The following BAD variants were observed in gnomAD, a reference collection of about 807,000 sequenced individuals.
BAD encodes BCL2 associated agonist of cell death, also known as bcl2-associated agonist of cell death.
A neutral mutation model predicts 17.8 loss-of-function variants in BAD; 18 were observed. That is an observed-to-expected ratio of 1.01 (90% CI 0.70 to 1.50). BAD has a LOEUF of 1.50. BAD is among the 40% of genes most tolerant of loss of function. The pLI, the probability that BAD is intolerant of heterozygous loss-of-function variation, is 0.00. For missense variants in BAD, 294 were observed against 239.3 expected, an observed-to-expected ratio of 1.23 and a Z score of -1.51; for synonymous variants, 112 against 91.5, an observed-to-expected ratio of 1.22 and a Z score of -1.28.
Position 64,270,238 on chromosome 11 carries a change from C to G in BAD, c.478G>C (p.Gly160Arg), listed in dbSNP as rs201046961. ...VFQSWWDRNLGRGSSAPSQ is the reference protein window; with the variant it reads ...VFQSWWDRNLRRGSSAPSQ ...TGGGAGGGGGCGGAGCTTCCCCTGC[C>G]CAAGTTCCGATCCCACCAGGACTGG... The change falls in exon 4 of 4, where the codon GGC becomes CGC. Residue 160 changes from glycine (G) to arginine (R), a missense_variant. Gly to Arg is a moderately radical substitution (Grantham distance 125). Coordinates refer to ENST00000309032, the MANE Select transcript of BAD (RefSeq NM_032989.3). 3.0e-5 allele frequency: 48 copies of G among 1,612,376 alleles called. No individual in the cohort carries two copies. In the Admixed American group the frequency reaches 6.8e-4, roughly 23 times the overall value.
In BAD at chr11:64,284,394, T is replaced by G. The variant is rs746057329; in HGVS notation, c.-8-18A>C. On this transcript the variant is annotated intron_variant, in intron 1 of 3. Coordinates refer to ENST00000309032, the MANE Select transcript of BAD (RefSeq NM_032989.3). ...GCTCTGGGCTGTGAGGACAAGATGT[T>G]ACGTAGTCAAGGCACAGCTGGGGCC... The G allele has an allele frequency of 7.4e-6, 12 of 1,611,890 alleles. No individual in the cohort carries two copies. The South Asian group carries it at 1.3e-4, about 18-fold the overall frequency.
chr11:64,276,890 C>T, intron 2 of BAD: 1 of 754,500 alleles, frequency 1.3e-6, no homozygotes, highest in Admixed American at 1.8e-5. Context: ...GTGCCCCAGG[C>T]CCCAGCATGG....
chr11:64,271,885 G>A lies in BAD; in HGVS notation c.188-82C>T, dbSNP rs2032656410. The A allele has an allele frequency of 5.1e-6, 6 of 1,174,902 alleles. No individual in the cohort carries two copies. The South Asian group carries it at 8.5e-5, about 17-fold the overall frequency. The allele number at this position is 1,174,902 out of a possible 1,614,324, so 72.8% of individuals were successfully genotyped here. A position where few individuals can be genotyped will look rare whatever the true frequency, so the allele number is the denominator to read the frequency against. ...GGCCCTGCCTGAACCCTCCCCATCA[G>A]CTCTGCAGGCCCACTCGTGGGTCTT... On this transcript the variant is annotated intron_variant, in intron 2 of 3. Coordinates refer to ENST00000309032, the MANE Select transcript of BAD (RefSeq NM_032989.3).
chr11:64,284,153 C>T (rs778657393), intron 2 of BAD, 29 bp downstream of exon 2: 7 of 1,541,994 alleles, frequency 4.5e-6, no homozygotes, highest in Non-Finnish European at 6.1e-6. Flanking sequence ...GTGAGGTGTC[C>T]CGGCAGGTGG....
At position 64,270,151 on chromosome 11, in the gene BAD, T is replaced by A; in HGVS notation, c.*58A>T. The A allele has an allele frequency of 6.2e-7, 1 of 1,613,072 alleles. No homozygotes were observed. The highest frequency in any genetic ancestry group is 8.5e-7 in the Non-Finnish European group (1 of 1,179,474). ...CTGAGGGAAGTACTTCCGCCCATAT[T>A]CAAGATGGCTGCCCAGGGCAGTGGG... On this transcript the variant is annotated 3_prime_UTR_variant, in exon 4 of 4. Transcript: ENST00000309032.
rs370905266 is a variant in BAD, at chr11:64,270,261, T to C, written c.455A>G (p.Gln152Arg). The change falls in exon 4 of 4, where the codon CAG becomes CGG. Residue 152 changes from glutamine (Q) to arginine (R), a missense_variant. Physicochemically the swap from Gln to Arg is conservative, Grantham distance 43. Transcript: ENST00000309032. The part of the protein sequence containing the change: ...RQSSSWTRVF[Q>R]SWWDRNLGRG... ...GCCCAAGTTCCGATCCCACCAGGAC[T>C]GGAAGACTCGCGTCCAGCTGGAGCT... 3.1e-5 allele frequency: 50 copies of C among 1,596,556 alleles called. No homozygotes were observed. Among genetic ancestry groups the C allele is most frequent in the Non-Finnish European group, 4.0e-5 (47 of 1,167,320 alleles).
intron 3 of BAD, chr11:64,270,711 T>C (rs1471920908): frequency 2.0e-6 from 1 of 498,124 alleles, no homozygotes. Context: ...GGGAGGATCC[T>C]TTGAGGCCAG....
chr11:64,275,432 C>T (rs1452592202), intron 2 of BAD, among the ~76,000 whole-genome samples: 1 of 152,186 alleles, frequency 6.6e-6, no homozygotes, highest in South Asian at 2.1e-4. Context: ...TTCTCCAACC[C>T]TTTGGGGCCC....
intron 2 of BAD, among the ~76,000 whole-genome samples, chr11:64,281,540 T>C (rs1289254349): frequency 6.6e-6 from 1 of 152,116 alleles, no homozygotes; most frequent in Non-Finnish European, 1.5e-5. Context: ...CTAAACCCCC[T>C]CCCCTAGGCC....
chr11:64,269,849 T>G lies in BAD; in HGVS notation c.*360A>C, dbSNP rs2032370350. 1 of 694,934 alleles carries G rather than the reference T, an allele frequency of 1.4e-6. No individual in the cohort carries two copies. The allele number at this position is 694,934 out of a possible 1,614,324, so 43.0% of individuals were successfully genotyped here. A position where few individuals can be genotyped will look rare whatever the true frequency, so the allele number is the denominator to read the frequency against. On this transcript the variant is annotated 3_prime_UTR_variant, in exon 4 of 4. Transcript: ENST00000309032. ...AGCCTCGGCGGCACAGACGCGGGCT[T>G]TATTAACATTTGGTAGTGAGCACGG...
chr11:64,282,897 A>G (rs1005939724), intron 2 of BAD, among the ~76,000 whole-genome samples: 6 of 151,800 alleles, frequency 4.0e-5, no homozygotes, highest in South Asian at 2.1e-4. Context: ...AAAAAAAAAA[A>G]AAAGAAAAAG....
intron 2 of BAD, 196 bp from the exon 3 acceptor site, chr11:64,271,999 G>C (rs1040569399): frequency 7.2e-6 from 3 of 416,256 alleles, no homozygotes; most frequent in East Asian, 3.6e-5. Context: ...TGAAGATTTA[G>C]GTTAACTTCT....
rs1054745529 is a variant in BAD at position 64,269,875 on chromosome 11, C to A, written c.*334G>T. 7 of 698,398 alleles carry A rather than the reference C, an allele frequency of 1.0e-5. No homozygotes were observed. The highest frequency in any genetic ancestry group is 1.6e-5 in the Non-Finnish European group (6 of 384,238). 43.3% of individuals were successfully genotyped at this position (698,398 alleles called of 1,614,324 possible). ...TATTAACATTTGGTAGTGAGCACGGCCCCCAGGGCATCGCGGGGGCTCGGG... is the reference window on the plus strand; with the variant it reads ...TATTAACATTTGGTAGTGAGCACGGACCCCAGGGCATCGCGGGGGCTCGGG... On this transcript the variant is annotated 3_prime_UTR_variant, in exon 4 of 4. Coordinates refer to ENST00000309032, the MANE Select transcript of BAD (RefSeq NM_032989.3).
chr11:64,270,140 T>C lies in BAD; in HGVS notation c.*69A>G. 1 of 1,610,618 alleles carries C rather than the reference T, an allele frequency of 6.2e-7. No homozygotes were observed. Among genetic ancestry groups the C allele is most frequent in the Non-Finnish European group, 8.5e-7 (1 of 1,177,764 alleles). On this transcript the variant is annotated 3_prime_UTR_variant, in exon 4 of 4. Coordinates refer to ENST00000309032, the MANE Select transcript of BAD (RefSeq NM_032989.3). ...TTTGCATAGGCCTGAGGGAAGTACT[T>C]CCGCCCATATTCAAGATGGCTGCCC...
intron 3 of BAD, 158 bp from the exon 4 acceptor site, chr11:64,270,495 C>G (rs2032426477): frequency 3.9e-6 from 4 of 1,015,546 alleles, no homozygotes; most frequent in Non-Finnish European, 1.4e-6. Context: ...GGGACGCTCG[C>G]GAGGACGCAT....
At chr11:64,276,021 A>G (rs958686881) in intron 2 of BAD, among the ~76,000 whole-genome samples, 7 of 152,050 alleles carry the variant, frequency 4.6e-5, no homozygotes, top group African/African-American at 7.2e-5. Flanking sequence ...AACCCAACCA[A>G]TGTGGCTTCA....
At chr11:64,282,447 A>G (rs1348619130) in intron 2 of BAD, among the ~76,000 whole-genome samples, 2 of 152,188 alleles carry the variant, frequency 1.3e-5, no homozygotes, top group Non-Finnish European at 2.9e-5. Context: ...ACAAAAAATA[A>G]AAAATGAGCT....
rs534722899 is a variant in BAD, at chr11:64,270,120, A to G, written c.*89T>C. The stretch of plus-strand genomic sequence containing the variant: ...GAGACAGCACGGATCCTCTTTTTGC[A>G]TAGGCCTGAGGGAAGTACTTCCGCC... On this transcript the variant is annotated 3_prime_UTR_variant, in exon 4 of 4. Transcript: ENST00000309032. 2.2e-5 allele frequency: 35 copies of G among 1,590,648 alleles called. No individual in the cohort carries two copies. In the East Asian group the frequency reaches 6.5e-4, roughly 30 times the overall value.
intron 2 of BAD, among the ~76,000 whole-genome samples, chr11:64,282,265 T>C (rs1229766405): frequency 1.3e-5 from 2 of 151,954 alleles, no homozygotes; most frequent in Non-Finnish European, 2.9e-5. Context: ...CAGGGGAAGT[T>C]TGTGAGCAGA....
Sources: allele counts gnomAD v4.1 joint callset (sites outside exome capture counted in the v4.1 genomes callset), GRCh38; gene constraint gnomAD v4.1.1; transcripts MANE v1.5; gene names NCBI Gene and HGNC (gene_info 2026-07-23, HGNC 2026-07-21).